Variants in TPM4 observed in about 807,000 individuals in gnomAD.
TPM4 encodes tropomyosin 4.
Under a neutral mutation model 35.8 loss-of-function variants are expected in TPM4, and 17 were observed. That is an observed-to-expected ratio of 0.47 (90% CI 0.32 to 0.71). TPM4 has a LOEUF of 0.71. Ranked by LOEUF, TPM4 falls within the 30% of genes least tolerant of loss-of-function variation. The pLI, the probability that TPM4 is intolerant of heterozygous loss-of-function variation, is 0.03. For synonymous variants in TPM4, 120 were observed against 122.9 expected, an observed-to-expected ratio of 0.98 and a Z score of 0.15; for missense variants, 240 against 320.9, an observed-to-expected ratio of 0.75 and a Z score of 1.93.
At chr19:16,078,280 G>A (rs1003713697) in intron 1 of TPM4, 1 of 395,736 alleles carries the variant, frequency 2.5e-6, no homozygotes, top group Non-Finnish European at 4.5e-6. Context: ...CACAGACTCA[G>A]AGGCAAGAAA....
At chr19:16,076,229 G>T, upstream of TPM4, 10 of 1,547,474 alleles carry the variant, frequency 6.5e-6, no homozygotes, top group Non-Finnish European at 8.7e-6. Context: ...CCCCGGGGCC[G>T]GGAAGGCGGG....
chr19:16,088,639 A>G (rs1423781560), intron 4 of TPM4: 3 of 1,031,232 alleles, frequency 2.9e-6, no homozygotes, highest in African/African-American at 1.7e-5. Flanking sequence ...TGGTTTCACA[A>G]ATCCACTCCG....
At chr19:16,089,276 C>T (rs971962092) in intron 5 of TPM4, among the ~76,000 whole-genome samples, 156 bp downstream of exon 5, 8 of 152,114 alleles carry the variant, frequency 5.3e-5, no homozygotes, top group African/African-American at 1.9e-4. Context: ...ACAGAAAGAG[C>T]TGGATTTCTC....
chr19:16,068,066 G>C (rs1317673319), intron 2 of TPM4: 7 of 403,764 alleles, frequency 1.7e-5, no homozygotes, highest in Non-Finnish European at 2.7e-5. Context: ...GGGCGGTTGG[G>C]GACATGCTGT....
intron 2 of TPM4, among the ~76,000 whole-genome samples, chr19:16,083,645 A>G (rs1028136964): frequency 3.5e-5 from 5 of 143,864 alleles, no homozygotes; most frequent in Non-Finnish European, 5.9e-5. Context: ...TTGTGTGGCA[A>G]TGGTGTGGGC....
At chr19:16,084,405 C>A (rs1353533426) in intron 2 of TPM4, among the ~76,000 whole-genome samples, 2 of 152,220 alleles carry the variant, frequency 1.3e-5, no homozygotes, top group African/African-American at 2.4e-5. Context: ...GCAGCTCCGG[C>A]AGCCACGGGG....
At chr19:16,087,899 A>C (rs2090577263) in intron 3 of TPM4, 128 bp from the exon 4 acceptor site, 2 of 974,144 alleles carry the variant, frequency 2.1e-6, no homozygotes, top group East Asian at 5.3e-5. Flanking sequence ...AAAAAGAAAC[A>C]CCAGAAAAAC....
intron 1 of TPM4, 198 bp downstream of exon 1, chr19:16,076,895 C>A: frequency 8.5e-7 from 1 of 1,175,536 alleles, no homozygotes; most frequent in Non-Finnish European, 1.1e-6. Context: ...CTTCCTGGGC[C>A]TGGGACAGGG....
intron 7 of TPM4, among the ~76,000 whole-genome samples, chr19:16,098,442 G>A (rs1362287630): frequency 1.3e-5 from 2 of 150,190 alleles, no homozygotes; most frequent in African/African-American, 4.9e-5. Context: ...GTGAGACTCC[G>A]CCTCAAAAAA....
At chr19:16,100,057 C>T (rs564104224) in intron 7 of TPM4, 1 of 152,290 alleles carries the variant, frequency 6.6e-6, no homozygotes, top group South Asian at 2.1e-4. Context: ...TATATTAAGT[C>T]ACACATATCT....
At chr19:16,076,102 T>G, upstream of TPM4, 1 of 1,603,106 alleles carries the variant, frequency 6.2e-7, no homozygotes, top group Non-Finnish European at 8.5e-7. Flanking sequence ...GAGGACGAGC[T>G]GGATAAATAT....
chr19:16,092,178 A>G (rs370422165), intron 5 of TPM4, among the ~76,000 whole-genome samples: 2 of 45,352 alleles, frequency 4.4e-5, no homozygotes, highest in Non-Finnish European at 3.9e-5. Flanking sequence ...ATTCTGTCTG[A>G]AAAAAAAAAA....
rs760062417 is a variant in TPM4 at position 16,101,555 on chromosome 19, G to A, written c.*209G>A. 4.6e-5 allele frequency: 20 copies of A among 437,744 alleles called. 1 individual carries two copies. The highest frequency in any genetic ancestry group is 8.3e-6 in the Non-Finnish European group (2 of 239,770). 27.1% of individuals were successfully genotyped at this position (437,744 alleles called of 1,614,324 possible). ...TCCCTTTTTTTTTCAAATGGCACCA[G>A]CTTTTTCAGCTCTCTTATTTTTTCC... On this transcript the variant is annotated 3_prime_UTR_variant, in exon 8 of 8. Transcript: ENST00000643579.
chr19:16,088,294 G>A, intron 4 of TPM4, 197 bp downstream of exon 4: 3 of 1,405,276 alleles, frequency 2.1e-6, no homozygotes, highest in Non-Finnish European at 2.8e-6. Context: ...GGGAAGCACT[G>A]CCCACGTGTT....
chr19:16,069,427 ATGTG>A (rs1191174672), intron 2 of TPM4, among the ~76,000 whole-genome samples: 1 of 23,708 alleles, frequency 4.2e-5, no homozygotes, highest in Non-Finnish European at 9.0e-5. Context: ...GTTGGTGTGT[ATGTG>A]TGTGAATGAG....
chr19:16,067,849 G>C lies in TPM4; in HGVS notation c.114+111G>C. On this transcript the variant is annotated intron_variant, in intron 2 of 2. Transcript: ENST00000589897. The surrounding 1 kb of genome is among the most constrained non-coding windows in gnomAD (Gnocchi z 4.1). ...GCAGACACCTGCGGGAGGATAGGAG[G>C]CTGATGCTTTGGCGGAGGAAGAGCG... 1.0e-6 allele frequency: 1 copy of C among 990,794 alleles called. No individual in the cohort carries two copies. The highest frequency in any genetic ancestry group is 1.5e-6 in the Non-Finnish European group (1 of 683,880). The allele number at this position is 990,794 out of a possible 1,614,324, so 61.4% of individuals were successfully genotyped here.
intron 7 of TPM4, among the ~76,000 whole-genome samples, chr19:16,097,079 G>A (rs1195370738): frequency 3.3e-4 from 46 of 137,620 alleles, no homozygotes; most frequent in African/African-American, 1.3e-3. Flanking sequence ...TCAGCCTCCC[G>A]AGTAGCTGGG....
upstream of TPM4, chr19:16,074,838 T>A (rs1385898247): frequency 6.6e-6 from 1 of 152,314 alleles, no homozygotes; most frequent in Admixed American, 6.5e-5. Flanking sequence ...ACGCCTGCAA[T>A]CCCAGCAATT....
At chr19:16,097,477 T>C (rs1043966809) in intron 7 of TPM4, among the ~76,000 whole-genome samples, 3 of 152,042 alleles carry the variant, frequency 2.0e-5, no homozygotes, top group Non-Finnish European at 4.4e-5. Flanking sequence ...TTTCACCATG[T>C]TGGCCAGGCT....
Sources: allele counts gnomAD v4.1 joint callset (sites outside exome capture counted in the v4.1 genomes callset), GRCh38; gene constraint gnomAD v4.1.1; non-coding constraint Gnocchi (gnomAD v3.1); transcripts MANE v1.5; gene names NCBI Gene and HGNC (gene_info 2026-07-23, HGNC 2026-07-21).